CEP120: variants seen among roughly 807,000 people sequenced by gnomAD.
CEP120 encodes the protein centrosomal protein 120, also known as centrosomal protein of 120 kDa.
A neutral mutation model predicts 126.5 loss-of-function variants in CEP120; 113 were observed. The observed-to-expected ratio is 0.89, with a 90% CI of 0.77 to 1.04. The LOEUF (loss-of-function observed/expected upper bound fraction) is 1.04. CEP120 is among the 50% of genes least tolerant of loss of function. The pLI, the probability that CEP120 is intolerant of heterozygous loss-of-function variation, is 0.00. For missense variants in CEP120, 1,230 were observed against 1,155.7 expected (o/e 1.06, Z -0.93); for synonymous variants, 400 against 394.3 (o/e 1.01, Z -0.17).
intron 8 of CEP120, 73 bp downstream of exon 8, chr5:123,389,851 T>G (rs992549368): frequency 6.5e-5 from 87 of 1,336,948 alleles, no homozygotes; most frequent in Non-Finnish European, 8.8e-5. Flanking sequence ...ATGAAAGTTC[T>G]CATAGTCATT....
chr5:123,366,808 A>T lies in CEP120; in HGVS notation c.2482-2214T>A, dbSNP rs569742565. On this transcript the variant is annotated intron_variant, in intron 17 of 19. Coordinates refer to ENST00000306467, the MANE Select transcript of CEP120 (RefSeq NM_001375405.1). ...TTATCTACAGCATTAAACCTAAACT[A>T]CTCCACCTAGGATTGAAAGCATTCC... Among the ~76,000 whole-genome samples the T allele has an allele frequency of 4.6e-5, 7 of 151,600 alleles. No homozygotes were observed. The South Asian group carries it at 1.3e-3, about 27-fold the overall frequency.
At chr5:123,378,291 A>G (rs774052923) in intron 15 of CEP120, 45 bp downstream of exon 15, 2 of 1,419,200 alleles carry the variant, frequency 1.4e-6, no homozygotes, top group Non-Finnish European at 1.9e-6. Flanking sequence ...ACTTTGCAAT[A>G]AACCCCTCTA....
rs17408694 is a variant in CEP120 at position 123,393,536 on chromosome 5, T to A, written c.613-39A>T. 0.27 allele frequency: 405,906 copies of A among 1,528,288 alleles called. 55,443 individuals are homozygous for A. The highest frequency in any genetic ancestry group is 0.31 in the African/African-American group (22,942 of 73,044). The allele number at this position is 1,528,288 out of a possible 1,614,324, so 94.7% of individuals were successfully genotyped here. A position where few individuals can be genotyped will look rare whatever the true frequency, so the allele number is the denominator to read the frequency against. ...GAAAAAGAAAACAGTTATTACTTTC[T>A]AAACTACTGAACATGCTTAGTGTAT... On this transcript the variant is annotated intron_variant, in intron 5 of 19. Transcript: ENST00000306467.
chr5:123,374,707 T>G (rs1397472795), intron 16 of CEP120, among the ~76,000 whole-genome samples: 2 of 152,166 alleles, frequency 1.3e-5, no homozygotes, highest in Admixed American at 1.3e-4. Context: ...ACATGAGAAC[T>G]GTCCATATGA....
chr5:123,409,542 T>C (rs191192725), intron 4 of CEP120, among the ~76,000 whole-genome samples: 1 of 152,278 alleles, frequency 6.6e-6, no homozygotes, highest in East Asian at 1.9e-4. Flanking sequence ...AGAGCCTTAC[T>C]AATGCAAAAG....
intron 8 of CEP120, 82 bp downstream of exon 8, chr5:123,389,842 T>G (rs959805115): frequency 2.8e-5 from 35 of 1,266,394 alleles, no homozygotes; most frequent in Non-Finnish European, 3.6e-5. Context: ...TTATAACTCA[T>G]GAAAGTTCTC....
At chr5:123,400,214 T>C (rs1389222941) in intron 4 of CEP120, among the ~76,000 whole-genome samples, 4 of 152,326 alleles carry the variant, frequency 2.6e-5, no homozygotes, top group African/African-American at 9.6e-5. Context: ...CTAAGTCGCA[T>C]AGACCAAGGT....
intron 10 of CEP120, 136 bp from the exon 11 acceptor site, chr5:123,385,269 G>T: frequency 1.7e-6 from 1 of 581,396 alleles, no homozygotes; most frequent in Non-Finnish European, 2.9e-6. Flanking sequence ...ACAATTGTTA[G>T]ACTGAATGCT....
At chr5:123,383,376 T>C (rs1771793375) in intron 11 of CEP120, among the ~76,000 whole-genome samples, 1 of 152,158 alleles carries the variant, frequency 6.6e-6, no homozygotes, top group Admixed American at 6.6e-5. Flanking sequence ...CAGGTAATTA[T>C]TGCTAATATG....
intron 18 of CEP120, among the ~76,000 whole-genome samples, chr5:123,356,528 T>C (rs1769636443): frequency 6.6e-6 from 1 of 152,136 alleles, no homozygotes; most frequent in Non-Finnish European, 1.5e-5. Context: ...CATTTGCTGA[T>C]ATAGATTTAA....
intron 11 of CEP120, 119 bp downstream of exon 11, chr5:123,384,832 A>C: frequency 1.2e-6 from 1 of 819,138 alleles, no homozygotes; most frequent in Non-Finnish European, 1.9e-6. Flanking sequence ...AGGTTATGAA[A>C]GGGTGAAGTG....
At chr5:123,401,183 C>A (rs543159588) in intron 4 of CEP120, 1 of 1,612,438 alleles carries the variant, frequency 6.2e-7, no homozygotes, top group Non-Finnish European at 8.5e-7. Flanking sequence ...AGGTGGCGAT[C>A]TCGATGTCCA....
intron 13 of CEP120, 62 bp from the exon 14 acceptor site, chr5:123,382,262 G>A (rs1771698794): frequency 2.2e-6 from 2 of 889,616 alleles, no homozygotes; most frequent in East Asian, 3.2e-5. Context: ...AAATGAATCA[G>A]TTGTCAGTTA....
intron 4 of CEP120, chr5:123,401,044 C>T (rs1773186836): frequency 5.1e-6 from 8 of 1,565,590 alleles, no homozygotes; most frequent in South Asian, 1.1e-5. Flanking sequence ...TAGCTGAGGC[C>T]GGGGCTTGTG....
chr5:123,367,901 T>G (rs1328707259), intron 17 of CEP120, among the ~76,000 whole-genome samples: 2 of 151,934 alleles, frequency 1.3e-5, no homozygotes, highest in East Asian at 3.9e-4. Context: ...TCTTTCTTTT[T>G]GTGCATTTAT....
chr5:123,355,699 T>C (rs1769554966), intron 18 of CEP120, among the ~76,000 whole-genome samples: 1 of 151,842 alleles, frequency 6.6e-6, no homozygotes, highest in Non-Finnish European at 1.5e-5. Flanking sequence ...GTCAGATGAG[T>C]AGGTTGCAAA....
intron 17 of CEP120, among the ~76,000 whole-genome samples, chr5:123,372,244 A>C (rs1404687743): frequency 6.6e-6 from 1 of 152,144 alleles, no homozygotes. Flanking sequence ...GCATGACATT[A>C]GAATCAGAGG....
chr5:123,361,699 T>G (rs1380629276), intron 18 of CEP120, among the ~76,000 whole-genome samples: 1 of 151,746 alleles, frequency 6.6e-6, no homozygotes, highest in Non-Finnish European at 1.5e-5. Flanking sequence ...TTCATCAATA[T>G]CGAAAGCTAC....
intron 16 of CEP120, among the ~76,000 whole-genome samples, chr5:123,375,014 T>C (rs1234360588): frequency 6.6e-6 from 1 of 152,128 alleles, no homozygotes; most frequent in Admixed American, 6.6e-5. Context: ...TCACTGACAG[T>C]GTAACTGTCC....
Sources: gnomAD v4.1 joint callset for allele counts (sites outside exome capture counted in the v4.1 genomes callset) on GRCh38, gnomAD v4.1.1 for gene constraint, MANE v1.5 for transcripts, NCBI Gene and HGNC (gene_info 2026-07-23, HGNC 2026-07-21) for gene names.